The following SMYD3 variants were observed in gnomAD, a reference collection of about 807,000 sequenced individuals.
SMYD3 encodes SET and MYND domain containing 3.
Under a neutral mutation model 57.7 loss-of-function variants are expected in SMYD3, and 36 were observed. The observed-to-expected ratio is 0.62, with a 90% confidence interval of 0.48 to 0.82. The LOEUF is 0.82. SMYD3 is among the 40% of genes least tolerant of loss of function. SMYD3 has a pLI of 0.00. For missense variants in SMYD3, 515 were observed against 538.8 expected (o/e 0.96, Z 0.44); for synonymous variants, 211 against 195.0 (o/e 1.08, Z -0.68).
chr1:246,365,859 C>T lies in SMYD3; in HGVS notation c.165-10765G>A, dbSNP rs896299958. On this transcript the variant is annotated intron_variant, in intron 1 of 11. Coordinates refer to ENST00000490107, the MANE Select transcript of SMYD3 (RefSeq NM_001167740.2). ...TAGAATGCCAAGCCAATCTGAGAAC[C>T]GCAGCCAAAACTGGGAGAGGGTTCT... is the stretch of plus-strand genomic sequence containing the variant. Among the ~76,000 whole-genome samples the T allele has an allele frequency of 3.3e-5, 5 of 152,248 alleles. No homozygotes were observed. In the East Asian group the frequency reaches 5.8e-4, roughly 18 times the overall value.
rs183339671 is a variant in SMYD3, at chr1:245,801,477, G to A, written c.1077-37328C>T. 6.0e-3 allele frequency among the ~76,000 whole-genome samples: 913 copies of A among 152,288 alleles called. 12 individuals are homozygous for A. The highest frequency in any genetic ancestry group is 0.014 in the Middle Eastern group (4 of 294). ...TCAAGTCTAAGTCCATGATTTAGAT[G>A]AAGATATTTAAGACATGTTTATCAA... On this transcript the variant is annotated intron_variant, in intron 10 of 11. Transcript: ENST00000490107.
intron 5 of SMYD3, among the ~76,000 whole-genome samples, chr1:246,057,139 T>C (rs912270181): frequency 6.6e-6 from 1 of 152,176 alleles, no homozygotes; most frequent in Admixed American, 6.6e-5. Context: ...AAAATAACAA[T>C]AATAATAATT....
At chr1:246,317,447 C>A (rs1035724043) in intron 5 of SMYD3, among the ~76,000 whole-genome samples, 2 of 152,390 alleles carry the variant, frequency 1.3e-5, no homozygotes, top group Admixed American at 1.3e-4. Context: ...ACCACCTGCT[C>A]AGTCTGCAAG....
intron 5 of SMYD3, among the ~76,000 whole-genome samples, chr1:246,131,908 A>C (rs2061593449): frequency 7.2e-6 from 1 of 139,396 alleles, no homozygotes; most frequent in South Asian, 2.3e-4. Flanking sequence ...AAAAGACTAT[A>C]ATGTTTAAAT....
intron 5 of SMYD3, among the ~76,000 whole-genome samples, chr1:246,234,451 G>GT (rs2063480841): frequency 1.3e-5 from 2 of 151,566 alleles, no homozygotes; most frequent in African/African-American, 4.9e-5. Context: ...ATGCAGAGAA[G>GT]TACTCCTTCC....
Position 245,848,057 on chromosome 1 carries a change from G to A in SMYD3, c.1076+10439C>T, listed in dbSNP as rs145265183. Among the ~76,000 whole-genome samples the A allele has an allele frequency of 1.1e-3, 166 of 151,880 alleles. 1 individual carries two copies. In the East Asian group the frequency reaches 0.028, roughly 26 times the overall value. On this transcript the variant is annotated intron_variant, in intron 10 of 11. Transcript: ENST00000490107. The stretch of plus-strand genomic sequence containing the variant: ...TGTGGCTTCCATCTTATTCCACAAG[G>A]AAGTTGTTTATACTGAAAGTCAGGC...
At chr1:246,140,449 T>C (rs1477440910) in intron 5 of SMYD3, among the ~76,000 whole-genome samples, 1 of 152,190 alleles carries the variant, frequency 6.6e-6, no homozygotes, top group Non-Finnish European at 1.5e-5. Context: ...GCACCAGTAG[T>C]ATTAGTACCG....
At chr1:246,100,999 G>C (rs986514146) in intron 5 of SMYD3, among the ~76,000 whole-genome samples, 3 of 142,314 alleles carry the variant, frequency 2.1e-5, no homozygotes, top group African/African-American at 7.7e-5. Context: ...GTATCTTCCA[G>C]AAACTAGATA....
chr1:246,406,005 C>G (rs1485311579), intron 1 of SMYD3, among the ~76,000 whole-genome samples: 3 of 151,678 alleles, frequency 2.0e-5, no homozygotes, highest in Non-Finnish European at 2.9e-5. Context: ...GTTAATTATT[C>G]AAACTCTCTC....
At chr1:246,391,372 C>A in intron 1 of SMYD3, among the ~76,000 whole-genome samples, 2 of 135,944 alleles carry the variant, frequency 1.5e-5, no homozygotes, top group South Asian at 4.8e-4. Context: ...AAAGCGAGAC[C>A]TTATTGAGAG....
intron 8 of SMYD3, among the ~76,000 whole-genome samples, chr1:245,890,027 T>C (rs2053294281): frequency 6.6e-6 from 1 of 151,212 alleles, no homozygotes; most frequent in South Asian, 2.1e-4. Context: ...GAAAACTGGA[T>C]GTGCAGAAGA....
intron 8 of SMYD3, among the ~76,000 whole-genome samples, chr1:245,875,748 T>A (rs1053906092): frequency 6.6e-6 from 1 of 152,248 alleles, no homozygotes; most frequent in Non-Finnish European, 1.5e-5. Flanking sequence ...TCATACTCAT[T>A]GTGGGCCAAA....
At chr1:246,020,094 T>C (rs184978265) in intron 5 of SMYD3, among the ~76,000 whole-genome samples, 5 of 152,332 alleles carry the variant, frequency 3.3e-5, no homozygotes, top group African/African-American at 7.2e-5. Context: ...ATCAAAGCAG[T>C]GTCTTATGGG....
intron 5 of SMYD3, among the ~76,000 whole-genome samples, chr1:246,115,849 G>A (rs1572050751): frequency 6.6e-6 from 1 of 152,130 alleles, no homozygotes; most frequent in African/African-American, 2.4e-5. Context: ...AGAATTAATT[G>A]TAATCATGGC....
chr1:246,493,689 C>A (rs1428740013), intron 1 of SMYD3, among the ~76,000 whole-genome samples: 10 of 152,152 alleles, frequency 6.6e-5, no homozygotes, highest in African/African-American at 2.2e-4. Flanking sequence ...CCAGCACTCA[C>A]CCTTCACCAC....
At chr1:246,227,822 A>G (rs1404215315) in intron 5 of SMYD3, among the ~76,000 whole-genome samples, 3 of 152,190 alleles carry the variant, frequency 2.0e-5, no homozygotes, top group South Asian at 2.1e-4. Context: ...TAGTTTACAC[A>G]TAAGTATTCA....
chr1:246,003,268 T>C (rs2059111301), intron 5 of SMYD3, among the ~76,000 whole-genome samples: 1 of 152,206 alleles, frequency 6.6e-6, no homozygotes, highest in South Asian at 2.1e-4. Context: ...CCACAGAAGG[T>C]TGTCATCTGC....
At chr1:246,060,837 C>A (rs560606995) in intron 5 of SMYD3, among the ~76,000 whole-genome samples, 2 of 143,612 alleles carry the variant, frequency 1.4e-5, no homozygotes, top group South Asian at 4.5e-4. Context: ...ACAATACCAA[C>A]TGGTTTAGTG....
rs560518657 is a variant in SMYD3 at position 245,783,320 on chromosome 1, A to G, written c.1077-19171T>C. On this transcript the variant is annotated intron_variant, in intron 10 of 11. Coordinates refer to ENST00000490107, the MANE Select transcript of SMYD3 (RefSeq NM_001167740.2). Reference sequence around the variant, plus strand: ...TTCAGTCAACCAGTTCCCAATAGATAAAAATACACTGGATTGTGAGAACCA... The same window carrying G: ...TTCAGTCAACCAGTTCCCAATAGATGAAAATACACTGGATTGTGAGAACCA... Among the ~76,000 whole-genome samples the G allele has an allele frequency of 5.3e-5, 8 of 152,326 alleles. No individual in the cohort carries two copies. In the South Asian group the frequency reaches 1.7e-3, roughly 32 times the overall value.
Sources: gnomAD v4.1 joint callset for allele counts (sites outside exome capture counted in the v4.1 genomes callset) on GRCh38, gnomAD v4.1.1 for gene constraint, MANE v1.5 for transcripts, NCBI Gene and HGNC (gene_info 2026-07-23, HGNC 2026-07-21) for gene names.